Variants in RAPGEF3 observed in about 807,000 individuals in gnomAD.
RAPGEF3 encodes Rap guanine nucleotide exchange factor 3.
A neutral mutation model predicts 129.8 loss-of-function variants in RAPGEF3; 103 were observed. The ratio of observed to expected loss-of-function variants is 0.79; its 90% CI spans 0.68 to 0.93. The LOEUF (loss-of-function observed/expected upper bound fraction) is 0.93. RAPGEF3 is among the 40% of genes least tolerant of loss of function. The probability of loss-of-function intolerance (pLI) is 0.00; values close to 1 mark genes in which losing one functional copy is unlikely to be tolerated. For synonymous variants in RAPGEF3, 436 were observed against 482.6 expected, an observed-to-expected ratio of 0.90 and a Z score of 1.26; for missense variants, 1,117 against 1,207.4, an observed-to-expected ratio of 0.93 and a Z score of 1.11.
At chr12:47,754,223 C>T (rs1372306055) in intron 2 of RAPGEF3, among the ~76,000 whole-genome samples, 1 of 152,276 alleles carries the variant, frequency 6.6e-6, no homozygotes, top group African/African-American at 2.4e-5. Context: ...TACCGTCTTC[C>T]ATTATGCCTA....
chr12:47,737,953 G>A (rs1592530262), intron 27 of RAPGEF3, 69 bp downstream of exon 27: 1 of 1,525,926 alleles, frequency 6.6e-7, no homozygotes, highest in South Asian at 1.1e-5. Flanking sequence ...AAGTGCCTAG[G>A]ATGTGCCAGC....
intron 7 of RAPGEF3, 102 bp downstream of exon 7, chr12:47,750,239 G>A: frequency 1.5e-6 from 2 of 1,294,230 alleles, no homozygotes; most frequent in Non-Finnish European, 2.2e-6. Context: ...GCCATAGATG[G>A]AAGTGGAGAA....
chr12:47,745,600 C>G (rs1222862721), intron 16 of RAPGEF3: 1 of 152,138 alleles, frequency 6.6e-6, no homozygotes, highest in African/African-American at 2.4e-5. Context: ...TAGTCGCTTA[C>G]ACGGGACACT....
chr12:47,749,291 C>A lies in RAPGEF3; in HGVS notation c.1041+99G>T, dbSNP rs768722418. On this transcript the variant is annotated intron_variant, in intron 10 of 27. Coordinates refer to ENST00000449771, the MANE Select transcript of RAPGEF3 (RefSeq NM_001098531.4). The surrounding 1 kb of genome is among the most constrained non-coding windows in gnomAD (Gnocchi z 4.5). ...TCATAGCCCAGCATCTCTTACCTGCCCTGCTTCTTACAGGCCCTCTGCTCT... is the reference window on the plus strand; with the variant it reads ...TCATAGCCCAGCATCTCTTACCTGCACTGCTTCTTACAGGCCCTCTGCTCT... The A allele has an allele frequency of 4.1e-6, 6 of 1,446,888 alleles. No homozygotes were observed. Among genetic ancestry groups the A allele is most frequent in the Non-Finnish European group, 5.7e-6 (6 of 1,047,444 alleles). The allele number at this position is 1,446,888 out of a possible 1,614,324, so 89.6% of individuals were successfully genotyped here.
intron 5 of RAPGEF3, 81 bp downstream of exon 5, chr12:47,751,318 C>T: frequency 6.3e-7 from 1 of 1,588,054 alleles, no homozygotes; most frequent in Non-Finnish European, 8.6e-7. Flanking sequence ...CCAAGTAGTG[C>T]CTGCTTCCCA....
Position 47,757,995 on chromosome 12 carries a change from G to A in RAPGEF3, c.90C>T (p.Ala30=). The part of the protein sequence containing the change: ...SPALGAPRVG[A]LPDVVPEGTL... ...TCCCCTCCGGCACCACGTCAGGGAG[G>A]GCTCCCACCCGCGGTGCTCCCAGAG... is the stretch of plus-strand genomic sequence containing the variant. The change falls in exon 2 of 28, where the codon GCC becomes GCT. Residue 30 remains alanine (A), a synonymous_variant. Transcript: ENST00000449771. 6.4e-7 allele frequency: 1 copy of A among 1,573,214 alleles called. No individual in the cohort carries two copies.
rs147783202 is a variant in RAPGEF3 at position 47,749,425 on chromosome 12, G to C, written c.1006C>G (p.Arg336Gly). Residue 336 changes from arginine to glycine, a missense_variant, in exon 10 of 28, where the codon CGT becomes GGT. Transcript: ENST00000449771. The surrounding 1 kb of genome is among the most constrained non-coding windows in gnomAD (Gnocchi z 4.5). ...ILREDNCHFL[R>G]VDKQDFNRII... ...CGGTTGAAGTCCTGCTTGTCCACAC[G>C]CAGGAAATGACAGTTGTCTTCTCGC... is the stretch of plus-strand genomic sequence containing the variant. The C allele has an allele frequency of 1.9e-6, 3 of 1,612,960 alleles. No homozygotes were observed. The highest frequency in any genetic ancestry group is 2.2e-5 in the East Asian group (1 of 44,882).
At position 47,738,249 on chromosome 12, in the gene RAPGEF3, T is replaced by C; in HGVS notation, c.2527-2A>G. On this transcript the variant is annotated splice_acceptor_variant, in intron 25 of 27. Transcript: ENST00000449771. LOFTEE classifies it high-confidence loss of function. Reference sequence around the variant, plus strand: ...CCGCGCGGCTCTGGCCATCATTCTCTGCGGACAACACCGGGGCATAAGCTC... The same window carrying C: ...CCGCGCGGCTCTGGCCATCATTCTCCGCGGACAACACCGGGGCATAAGCTC... 3.1e-6 allele frequency: 5 copies of C among 1,613,232 alleles called. No homozygotes were observed. Among genetic ancestry groups the C allele is most frequent in the Non-Finnish European group, 4.2e-6 (5 of 1,179,976 alleles).
At position 47,737,677 on chromosome 12, in the gene RAPGEF3, G is replaced by A. The variant is rs1257039799; in HGVS notation, c.2662C>T (p.Gln888Ter). 2.5e-6 allele frequency: 4 copies of A among 1,613,000 alleles called. No individual in the cohort carries two copies. The highest frequency in any genetic ancestry group is 3.4e-6 in the Non-Finnish European group (4 of 1,179,784). The change falls in exon 28 of 28, where the codon CAG becomes TAG. Residue 888 changes from glutamine to a stop codon, truncating the protein, a stop_gained. Transcript: ENST00000449771. LOFTEE classifies it high-confidence loss of function. ...QVARISTCSE[Q>*]SLSTRSPAST... The stretch of plus-strand genomic sequence containing the variant: ...GCTGGACTCCGGGTGCTCAGGGACT[G>A]CTCCGAGCCTGGTGGAGGAGAGTAG...
intron 1 of RAPGEF3, 61 bp downstream of exon 1, chr12:47,758,490 G>T (rs1942238262): frequency 6.3e-7 from 1 of 1,589,528 alleles, no homozygotes; most frequent in East Asian, 2.2e-5. Flanking sequence ...ACTCCCCACC[G>T]TGTCAGCTTC....
intron 2 of RAPGEF3, among the ~76,000 whole-genome samples, chr12:47,754,813 G>A (rs963812139): frequency 2.0e-5 from 3 of 152,188 alleles, no homozygotes; most frequent in Non-Finnish European, 2.9e-5. Context: ...ATGAGTCAAG[G>A]TGAAGGTCCT....
chr12:47,739,997 G>T (rs2136737835), intron 23 of RAPGEF3, 144 bp downstream of exon 23: 1 of 988,886 alleles, frequency 1.0e-6, no homozygotes, highest in Non-Finnish European at 1.5e-6. Flanking sequence ...CTGGAGCTAG[G>T]CCCTGGGCCG....
Position 47,758,034 on chromosome 12 carries a change from C to A in RAPGEF3, c.51G>T (p.Val17=). Residue 17 remains valine, a synonymous_variant, in exon 2 of 28, where the codon GTG becomes GTT. Coordinates refer to ENST00000449771, the MANE Select transcript of RAPGEF3 (RefSeq NM_001098531.4). ...GTGCTCCCAGAGCTGGGCTATCCTC[C>A]ACAGCCAGGCCCACCTGCCAGCAGC... is the stretch of plus-strand genomic sequence containing the variant. ...GESCWQVGLA[V]EDSPALGAPR... 1 of 1,576,602 alleles carries A rather than the reference C, an allele frequency of 6.3e-7. No homozygotes were observed.
chr12:47,748,053 C>T (rs1329490224), intron 13 of RAPGEF3, 21 bp downstream of exon 13: 11 of 1,565,578 alleles, frequency 7.0e-6, no homozygotes, highest in Non-Finnish European at 8.7e-6. Flanking sequence ...GCACACCATC[C>T]CCCTGGAGCT....
rs1941602709 is a variant in RAPGEF3, at chr12:47,749,269, T to C, written c.1041+121A>G. ...GCTATGGTCCCACTGCCAGCTGTCA[T>C]AGCCCAGCATCTCTTACCTGCCCTG... On this transcript the variant is annotated intron_variant, in intron 10 of 27. Transcript: ENST00000449771. This position sits in a 1 kb window ranked among gnomAD's most constrained non-coding sequence, Gnocchi z 4.5. 4 of 1,263,302 alleles carry C rather than the reference T, an allele frequency of 3.2e-6. No individual in the cohort carries two copies. The highest frequency in any genetic ancestry group is 4.5e-6 in the Non-Finnish European group (4 of 884,768). 78.3% of individuals were successfully genotyped at this position (1,263,302 alleles called of 1,614,324 possible).
At chr12:47,746,781 G>C (rs551977465) in intron 16 of RAPGEF3, 79 bp downstream of exon 16, 525 of 1,423,440 alleles carry the variant, frequency 3.7e-4, no homozygotes, top group Non-Finnish European at 4.9e-4. Context: ...CGCCCACAGA[G>C]CCCCTCAGGG....
chr12:47,742,343 C>T (rs1000492508), intron 18 of RAPGEF3: 5 of 152,402 alleles, frequency 3.3e-5, no homozygotes, highest in African/African-American at 1.2e-4. Flanking sequence ...TAAACAGTGC[C>T]TGGCACATAG....
intron 10 of RAPGEF3, 28 bp from the exon 11 acceptor site, chr12:47,748,959 A>T: frequency 6.5e-7 from 1 of 1,541,448 alleles, no homozygotes; most frequent in African/African-American, 1.4e-5. Context: ...TCCCATGCTC[A>T]ACTCATGATG....
Position 47,741,573 on chromosome 12 carries a change from C to G in RAPGEF3, c.1855G>C (p.Gly619Arg). The G allele has an allele frequency of 6.2e-7, 1 of 1,614,134 alleles. No homozygotes were observed. Among genetic ancestry groups the G allele is most frequent in the Non-Finnish European group, 8.5e-7 (1 of 1,180,028 alleles). The change falls in exon 19 of 28, where the codon GGT (glycine) becomes CGT (arginine). Residue 619 changes from glycine to arginine, a missense_variant. By Grantham distance (125) the Gly-to-Arg change is moderately radical. Transcript: ENST00000449771. ...TTGAGCCCCAGAGATGTGGCCACAC[C>G]ACGGGCATCTGGCTGCAGGCCAATG... ...DAIGLQPDARGVATSLGLNER... is the reference protein window; with the variant it reads ...DAIGLQPDARRVATSLGLNER...
Sources: gnomAD v4.1 joint callset for allele counts (sites outside exome capture counted in the v4.1 genomes callset) on GRCh38, gnomAD v4.1.1 for gene constraint, Gnocchi (gnomAD v3.1) non-coding constraint, MANE v1.5 for transcripts, NCBI Gene and HGNC (gene_info 2026-07-23, HGNC 2026-07-21) for gene names.